The following KCNIP4 variants were observed in gnomAD, a reference collection of about 807,000 sequenced individuals.
The protein encoded by KCNIP4 is potassium voltage-gated channel interacting protein 4, also known as Kv channel-interacting protein 4.
In KCNIP4, 12 loss-of-function variants were observed where a neutral mutation model predicts 34.0. The observed-to-expected ratio is 0.35, with a 90% CI of 0.23 to 0.57. KCNIP4 has a LOEUF of 0.57. Among genes scored for constraint, KCNIP4 ranks in the 20% least tolerant of loss-of-function variants. The probability of loss-of-function intolerance (pLI) is 0.83; values close to 1 mark genes in which losing one functional copy is unlikely to be tolerated. For missense variants in KCNIP4, 238 were observed against 311.7 expected (o/e 0.76, Z 1.78); for synonymous variants, 124 against 102.2 (o/e 1.21, Z -1.29).
chr4:21,687,354 T>G (rs2109035694), intron 1 of KCNIP4, among the ~76,000 whole-genome samples: 1 of 150,690 alleles, frequency 6.6e-6, no homozygotes, highest in East Asian at 2.0e-4. Context: ...GAAGTCACAA[T>G]TCTACCAACC....
chr4:21,938,581 G>A (rs1730020286), intron 1 of KCNIP4, among the ~76,000 whole-genome samples: 1 of 152,090 alleles, frequency 6.6e-6, no homozygotes, highest in Admixed American at 6.5e-5. Flanking sequence ...GTATATACAC[G>A]ATTCTAAAAA....
chr4:20,982,635 T>C (rs1251742521), intron 1 of KCNIP4, among the ~76,000 whole-genome samples: 1 of 152,232 alleles, frequency 6.6e-6, no homozygotes, highest in East Asian at 1.9e-4. Flanking sequence ...GTCTAAACAG[T>C]TAGAACCTAA....
At chr4:21,234,596 A>C (rs895234241) in intron 1 of KCNIP4, among the ~76,000 whole-genome samples, 2 of 138,684 alleles carry the variant, frequency 1.4e-5, no homozygotes, top group Non-Finnish European at 3.0e-5. Flanking sequence ...CGTATATAAT[A>C]TATATTACAT....
intron 1 of KCNIP4, among the ~76,000 whole-genome samples, chr4:20,887,807 A>C (rs1174689293): frequency 6.6e-6 from 1 of 152,186 alleles, no homozygotes; most frequent in Non-Finnish European, 1.5e-5. Context: ...AGAAATAGAG[A>C]GCACAGGAAA....
At chr4:21,891,643 C>A (rs1727100572) in intron 1 of KCNIP4, among the ~76,000 whole-genome samples, 1 of 152,028 alleles carries the variant, frequency 6.6e-6, no homozygotes, top group Admixed American at 6.6e-5. Flanking sequence ...AACGAGTAAA[C>A]AATTAATTCA....
chr4:21,894,026 A>T (rs992256075), intron 1 of KCNIP4, among the ~76,000 whole-genome samples: 4 of 151,684 alleles, frequency 2.6e-5, no homozygotes, highest in Non-Finnish European at 4.4e-5. Context: ...CACATACTGA[A>T]TTTTTTTTTA....
chr4:21,420,675 A>G (rs757646464), intron 1 of KCNIP4, among the ~76,000 whole-genome samples: 1 of 152,156 alleles, frequency 6.6e-6, no homozygotes, highest in Non-Finnish European at 1.5e-5. Context: ...TTAAGACCTT[A>G]CCTTCTGTGA....
At chr4:21,729,866 GTATT>G (rs1214955447) in intron 1 of KCNIP4, 7 of 152,130 alleles carry the variant, frequency 4.6e-5, no homozygotes, top group Admixed American at 6.5e-5. Context: ...TGTTTGGAAA[GTATT>G]TAATGCATAA....
chr4:21,490,848 T>C (rs1732329366), intron 1 of KCNIP4, among the ~76,000 whole-genome samples: 3 of 152,032 alleles, frequency 2.0e-5, no homozygotes, highest in Non-Finnish European at 2.9e-5. Context: ...GAGAGTATGT[T>C]AGTGTGTGTC....
chr4:21,273,200 C>G (rs899108175), intron 1 of KCNIP4, among the ~76,000 whole-genome samples: 3 of 152,154 alleles, frequency 2.0e-5, no homozygotes, highest in Non-Finnish European at 2.9e-5. Flanking sequence ...ATCCCCTTGA[C>G]TTAACACAAT....
intron 1 of KCNIP4, among the ~76,000 whole-genome samples, chr4:21,405,936 A>G (rs1723945854): frequency 6.6e-6 from 1 of 152,206 alleles, no homozygotes; most frequent in East Asian, 1.9e-4. Context: ...CCCGGGTTCA[A>G]GCGATTCTCC....
chr4:21,468,881 C>T (rs761115847), intron 1 of KCNIP4, among the ~76,000 whole-genome samples: 1 of 152,254 alleles, frequency 6.6e-6, no homozygotes, highest in Non-Finnish European at 1.5e-5. Context: ...TGTATTTGTG[C>T]ACAAGTTTGT....
intron 1 of KCNIP4, among the ~76,000 whole-genome samples, chr4:20,974,452 A>C (rs1474878370): frequency 6.6e-6 from 1 of 152,154 alleles, no homozygotes; most frequent in Non-Finnish European, 1.5e-5. Flanking sequence ...GAAGGGTGGC[A>C]CTTGTATAGG....
At chr4:21,885,499 G>T (rs1256025018) in intron 1 of KCNIP4, among the ~76,000 whole-genome samples, 2 of 152,066 alleles carry the variant, frequency 1.3e-5, no homozygotes, top group Non-Finnish European at 2.9e-5. Context: ...GCAGGAAATA[G>T]AAATGAATCA....
intron 1 of KCNIP4, among the ~76,000 whole-genome samples, chr4:21,155,837 C>T (rs1003487824): frequency 2.0e-5 from 3 of 152,166 alleles, no homozygotes; most frequent in Admixed American, 2.0e-4. Flanking sequence ...GCTATATCTG[C>T]AGGTAATAAA....
intron 1 of KCNIP4, among the ~76,000 whole-genome samples, chr4:21,726,562 C>G (rs938160185): frequency 1.3e-5 from 2 of 152,110 alleles, no homozygotes; most frequent in Admixed American, 6.6e-5. Flanking sequence ...GTCATTTAGG[C>G]CAGCAACAAT....
At chr4:21,123,798 T>G (rs77936898) in intron 1 of KCNIP4, among the ~76,000 whole-genome samples, 2,225 of 152,154 alleles carry the variant, frequency 0.015, 59 homozygotes, top group African/African-American at 0.051. Context: ...ACCAGAGTAC[T>G]CTCTCTCCAC....
At chr4:21,129,309 T>C (rs1259474040) in intron 1 of KCNIP4, among the ~76,000 whole-genome samples, 1 of 152,176 alleles carries the variant, frequency 6.6e-6, no homozygotes. Flanking sequence ...CGGTATGTCT[T>C]CATTAGCAGT....
At chr4:21,908,626 G>A (rs976648706) in intron 1 of KCNIP4, among the ~76,000 whole-genome samples, 5 of 152,284 alleles carry the variant, frequency 3.3e-5, no homozygotes, top group Admixed American at 2.0e-4. Flanking sequence ...GAATATAACG[G>A]ACTGAACTAA....
Sources: gnomAD v4.1 joint callset for allele counts (sites outside exome capture counted in the v4.1 genomes callset) on GRCh38, gnomAD v4.1.1 for gene constraint, MANE v1.5 for transcripts, NCBI Gene and HGNC (gene_info 2026-07-23, HGNC 2026-07-21) for gene names.